The following ZNF181 variants were observed in gnomAD, a reference collection of about 807,000 sequenced individuals.
ZNF181 encodes zinc finger protein 181.
ZNF181 carries 8 observed loss-of-function variants against 11.9 expected under a neutral mutation model. The observed-to-expected ratio is 0.67, with a 90% CI of 0.39 to 1.21. The LOEUF (loss-of-function observed/expected upper bound fraction) is 1.21. Ranked by LOEUF, ZNF181 falls within the 50% of genes most tolerant of loss-of-function variation. The pLI is 0.01. For synonymous variants in ZNF181, 202 were observed against 221.1 expected (o/e 0.91, Z 0.77); for missense variants, 542 against 670.9 (o/e 0.81, Z 2.12).
rs2068996636 is a variant in ZNF181, at chr19:34,742,569, T to C, written c.*472T>C. The C allele has an allele frequency of 6.6e-6, 1 of 152,668 alleles. No individual in the cohort carries two copies. The highest frequency in any genetic ancestry group is 2.1e-4 in the South Asian group (1 of 4,842). The allele number at this position is 152,668 out of a possible 1,614,324, so 9.5% of individuals were successfully genotyped here. On this transcript the variant is annotated 3_prime_UTR_variant, in exon 4 of 4. Transcript: ENST00000492450. ...ATCTTGGTACACATCAGAAGATTAA[T>C]GGTAGAACAACCTGAAGGATTTAGG...
intron 1 of ZNF181, 93 bp downstream of exon 1, chr19:34,735,139 C>A: frequency 7.1e-7 from 1 of 1,407,700 alleles, no homozygotes; most frequent in Non-Finnish European, 9.8e-7. Flanking sequence ...TAACCAAGTC[C>A]ATTTAAGGGA....
chr19:34,734,950 C>A lies in ZNF181; in HGVS notation c.-88C>A. The A allele has an allele frequency of 7.1e-7, 1 of 1,414,506 alleles. No homozygotes were observed. Among genetic ancestry groups the A allele is most frequent in the Non-Finnish European group, 9.6e-7 (1 of 1,037,880 alleles). The allele number at this position is 1,414,506 out of a possible 1,614,324, so 87.6% of individuals were successfully genotyped here. A position where few individuals can be genotyped will look rare whatever the true frequency, so the allele number is the denominator to read the frequency against. ...CCTGATTTTTCATGACTGCTTTTTCCTGCCCTTCTGTGCCCTCAGGACACT... is the reference window on the plus strand; with the variant it reads ...CCTGATTTTTCATGACTGCTTTTTCATGCCCTTCTGTGCCCTCAGGACACT... On this transcript the variant is annotated 5_prime_UTR_variant, in exon 1 of 4. The change creates a new upstream start codon in the 5' untranslated region. Transcript: ENST00000492450.
chr19:34,742,254 CAT>C lies in ZNF181; in HGVS notation c.*160_*161del. 1 of 627,026 alleles carries C rather than the reference CAT, an allele frequency of 1.6e-6. No homozygotes were observed. 38.8% of individuals were successfully genotyped at this position (627,026 alleles called of 1,614,324 possible). On this transcript the variant is annotated 3_prime_UTR_variant, in exon 4 of 4. Transcript: ENST00000492450. ...ATTAGACTTTATACTGTAGAGAAAT[CAT>C]ATGAAGACCATAAATGTGGGAAAGC...
rs2069023026 is a variant in ZNF181, at chr19:34,745,341, C to T, written c.*3244C>T. 6.6e-6 allele frequency: 1 copy of T among 152,160 alleles called. No individual in the cohort carries two copies. The highest frequency in any genetic ancestry group is 2.1e-4 in the South Asian group (1 of 4,832). The allele number at this position is 152,160 out of a possible 1,614,324, so 9.4% of individuals were successfully genotyped here. ...ATTTCACTGTGTCTTGCCTCAGTTTCTCCATCTGTAAAATGATAATAAAGC... is the reference window on the plus strand; with the variant it reads ...ATTTCACTGTGTCTTGCCTCAGTTTTTCCATCTGTAAAATGATAATAAAGC... On this transcript the variant is annotated 3_prime_UTR_variant, in exon 4 of 4. Transcript: ENST00000492450.
chr19:34,735,502 C>T (rs2068874545), intron 1 of ZNF181, among the ~76,000 whole-genome samples: 1 of 152,116 alleles, frequency 6.6e-6, no homozygotes, highest in Non-Finnish European at 1.5e-5. Context: ...CCACTACCAC[C>T]CCGGTAGTGA....
At position 34,741,344 on chromosome 19, in the gene ZNF181, T is replaced by C. The variant is rs888845341; in HGVS notation, c.963T>C (p.Tyr321=). Residue 321 remains tyrosine, a synonymous_variant, in exon 4 of 4, where the codon TAT becomes TAC. Transcript: ENST00000492450. ...HQSTHTGEKP[Y]ECMNCGKSFS... Reference sequence around the variant, plus strand: ...GCACTCACACTGGAGAGAAACCATATGAATGTATGAACTGTGGAAAGTCTT... The same window carrying C: ...GCACTCACACTGGAGAGAAACCATACGAATGTATGAACTGTGGAAAGTCTT... 1.9e-6 allele frequency: 3 copies of C among 1,613,746 alleles called. No homozygotes were observed. Among genetic ancestry groups the C allele is most frequent in the East Asian group, 4.5e-5 (2 of 44,894 alleles).
At position 34,734,771 on chromosome 19, in the gene ZNF181, C is replaced by T; in HGVS notation, c.-267C>T. On this transcript the variant is annotated 5_prime_UTR_variant, in exon 1 of 4. Coordinates refer to ENST00000492450, the MANE Select transcript of ZNF181 (RefSeq NM_001029997.4). ...CATTGTTTTATGAGGATTTTATTTA[C>T]AGAGTAATTGATTTTCCTCGCAGGT... 1 of 496,078 alleles carries T rather than the reference C, an allele frequency of 2.0e-6. No individual in the cohort carries two copies. The highest frequency in any genetic ancestry group is 3.5e-6 in the Non-Finnish European group (1 of 281,920). 30.7% of individuals were successfully genotyped at this position (496,078 alleles called of 1,614,324 possible). A position where few individuals can be genotyped will look rare whatever the true frequency, so the allele number is the denominator to read the frequency against.
chr19:34,736,168 A>T, intron 1 of ZNF181: 1 of 703,040 alleles, frequency 1.4e-6, no homozygotes, highest in South Asian at 1.5e-5. Flanking sequence ...GGTGGGGCAG[A>T]ATCATGGCAT....
chr19:34,736,179 G>A (rs959955357), intron 1 of ZNF181: 7 of 702,986 alleles, frequency 1.0e-5, no homozygotes, highest in Middle Eastern at 4.6e-4. Flanking sequence ...ATCATGGCAT[G>A]GAAGGTGAAG....
In ZNF181 at chr19:34,741,267, A is replaced by G; in HGVS notation, c.886A>G (p.Ile296Val). 6.2e-7 allele frequency: 1 copy of G among 1,613,952 alleles called. No homozygotes were observed. Among genetic ancestry groups the G allele is most frequent in the Non-Finnish European group, 8.5e-7 (1 of 1,179,866 alleles). The change falls in exon 4 of 4, where the codon ATT becomes GTT. Residue 296 changes from isoleucine to valine, a missense_variant. By Grantham distance (29) the Ile-to-Val change is conservative. Coordinates refer to ENST00000492450, the MANE Select transcript of ZNF181 (RefSeq NM_001029997.4). ...TAGTGGAGAGAAACCTTACAAATGT[A>G]TTGAATGTGGGAAGGCCTTTAGCCA... Reference protein sequence around the residue: ...SHSGEKPYKCIECGKAFSHVS... With the variant: ...SHSGEKPYKCVECGKAFSHVS...
At position 34,743,401 on chromosome 19, in the gene ZNF181, A is replaced by C. The variant is rs1300618209; in HGVS notation, c.*1304A>C. On this transcript the variant is annotated 3_prime_UTR_variant, in exon 4 of 4. Transcript: ENST00000492450. ...TATGAGGACATAACCAAGAAACAACATACTACAAGAGATCAGAGCAGGCTT... is the reference window on the plus strand; with the variant it reads ...TATGAGGACATAACCAAGAAACAACCTACTACAAGAGATCAGAGCAGGCTT... The C allele has an allele frequency of 6.6e-6, 1 of 152,250 alleles. No homozygotes were observed. Among genetic ancestry groups the C allele is most frequent in the Admixed American group, 6.5e-5 (1 of 15,292 alleles). The allele number at this position is 152,250 out of a possible 1,614,324, so 9.4% of individuals were successfully genotyped here.
Position 34,741,781 on chromosome 19 carries a change from G to C in ZNF181, c.1400G>C (p.Gly467Ala), listed in dbSNP as rs1202444763. 3 of 1,613,966 alleles carry C rather than the reference G, an allele frequency of 1.9e-6. No homozygotes were observed. The highest frequency in any genetic ancestry group is 1.1e-5 in the South Asian group (1 of 91,082). ...RLKPYECSIC[G>A]KAFSHRSSLL... ...AAACCCTACGAATGCAGTATATGTG[G>C]GAAAGCCTTTAGTCATAGGTCATCC... The change falls in exon 4 of 4, where the codon GGG (glycine) becomes GCG (alanine). Residue 467 changes from glycine (G) to alanine (A), a missense_variant. Physicochemically the swap from Gly to Ala is moderately conservative, Grantham distance 60. Coordinates refer to ENST00000492450, the MANE Select transcript of ZNF181 (RefSeq NM_001029997.4).
rs1165607224 is a variant in ZNF181 at position 34,741,326 on chromosome 19, C to A, written c.945C>A (p.His315Gln). 2 of 1,613,850 alleles carry A rather than the reference C, an allele frequency of 1.2e-6. No homozygotes were observed. The highest frequency in any genetic ancestry group is 2.2e-5 in the South Asian group (2 of 91,066). ...VSSLTNHQST[H>Q]TGEKPYECMN... is the part of the protein sequence containing the mutation. ...CACTTACTAACCATCAGAGCACTCA[C>A]ACTGGAGAGAAACCATATGAATGTA... Residue 315 changes from histidine (H) to glutamine (Q), a missense_variant, in exon 4 of 4, where the codon CAC (histidine) becomes CAA (glutamine). Physicochemically the swap from His to Gln is conservative, Grantham distance 24 (BLOSUM62 0). Coordinates refer to ENST00000492450, the MANE Select transcript of ZNF181 (RefSeq NM_001029997.4).
At chr19:34,739,858 T>A (rs10409513) in intron 3 of ZNF181, among the ~76,000 whole-genome samples, 43,592 of 152,088 alleles carry the variant, frequency 0.29, 6,725 homozygotes, top group Middle Eastern at 0.36. Flanking sequence ...TTTGCCTTCA[T>A]AATAATTCAA....
rs763707130 is a variant in ZNF181 at position 34,739,593 on chromosome 19, G to A, written c.201G>A (p.Glu67=). The change falls in exon 3 of 4, where the codon GAG becomes GAA. Residue 67 remains glutamate, a synonymous_variant. Transcript: ENST00000492450. ...ATGGAAAAGAGCCCTGGATGATGGA[G>A]AAAAAACTGTCAAAAGGTATGATTC... ...LEDGKEPWMM[E]KKLSKGMIPD... is the part of the protein sequence containing the mutation. The A allele has an allele frequency of 6.2e-7, 1 of 1,614,038 alleles. No homozygotes were observed. Among genetic ancestry groups the A allele is most frequent in the Non-Finnish European group, 8.5e-7 (1 of 1,179,940 alleles).
chr19:34,735,066 A>G lies in ZNF181; in HGVS notation c.9+20A>G, dbSNP rs2068868035. Reference sequence around the variant, plus strand: ...CCTCAGGTAGGTCGGTGTGTCCGCAAATCTTCCTGAAACACTTTATCAGGA... The same window carrying G: ...CCTCAGGTAGGTCGGTGTGTCCGCAGATCTTCCTGAAACACTTTATCAGGA... On this transcript the variant is annotated intron_variant, in intron 1 of 3. Transcript: ENST00000492450. 1 of 1,567,540 alleles carries G rather than the reference A, an allele frequency of 6.4e-7. No individual in the cohort carries two copies. Among genetic ancestry groups the G allele is most frequent in the Non-Finnish European group, 8.7e-7 (1 of 1,155,702 alleles).
rs1430494414 is a variant in ZNF181, at chr19:34,734,307, A to C, written c.-731A>C. ...GACGATTCTGGGCAGTGTCGTCCCCAGAGGTCGGCGGCCGTTGCCCGCTCA... is the reference window on the plus strand; with the variant it reads ...GACGATTCTGGGCAGTGTCGTCCCCCGAGGTCGGCGGCCGTTGCCCGCTCA... On this transcript the variant is annotated 5_prime_UTR_variant, in exon 1 of 4. Transcript: ENST00000492450. 5 of 152,356 alleles carry C rather than the reference A, an allele frequency of 3.3e-5. No homozygotes were observed. Among genetic ancestry groups the C allele is most frequent in the Non-Finnish European group, 7.3e-5 (5 of 68,158 alleles). The allele number at this position is 152,356 out of a possible 1,614,324, so 9.4% of individuals were successfully genotyped here.
Position 34,745,045 on chromosome 19 carries a change from G to T in ZNF181, c.*2948G>T, listed in dbSNP as rs1395537197. 6.6e-6 allele frequency: 1 copy of T among 152,202 alleles called. No homozygotes were observed. Among genetic ancestry groups the T allele is most frequent in the Admixed American group, 6.5e-5 (1 of 15,286 alleles). 9.4% of individuals were successfully genotyped at this position (152,202 alleles called of 1,614,324 possible). ...TTTTTAAATGAAGATAGTTTTAAGA[G>T]AGCAATAAGAGACTATTACTTTGTT... On this transcript the variant is annotated 3_prime_UTR_variant, in exon 4 of 4. Transcript: ENST00000492450.
intron 1 of ZNF181, among the ~76,000 whole-genome samples, chr19:34,736,639 T>G (rs2068893999): frequency 6.6e-6 from 1 of 152,242 alleles, no homozygotes; most frequent in Non-Finnish European, 1.5e-5. Flanking sequence ...GTATGACTAT[T>G]GAGTACTTGA....
Sources: gnomAD v4.1 joint callset for allele counts (sites outside exome capture counted in the v4.1 genomes callset) on GRCh38, gnomAD v4.1.1 for gene constraint, MANE v1.5 for transcripts, NCBI Gene and HGNC (gene_info 2026-07-23, HGNC 2026-07-21) for gene names.